Variants in FARS2 observed in about 807,000 individuals in gnomAD.
FARS2 encodes the protein phenylalanine--tRNA ligase, mitochondrial.
A neutral mutation model predicts 46.4 loss-of-function variants in FARS2; 40 were observed. That is an observed-to-expected ratio of 0.86 (90% CI 0.67 to 1.12). The LOEUF (loss-of-function observed/expected upper bound fraction) is 1.12, where lower values mean the gene tolerates loss of function less well. Among genes scored for constraint, FARS2 ranks in the 50% most tolerant of loss-of-function variants. The pLI, the probability that FARS2 is intolerant of heterozygous loss-of-function variation, is 0.00. For synonymous variants in FARS2, 234 were observed against 214.9 expected, an observed-to-expected ratio of 1.09 and a Z score of -0.78; for missense variants, 513 against 567.9, an observed-to-expected ratio of 0.90 and a Z score of 0.98.
intron 4 of FARS2, among the ~76,000 whole-genome samples, chr6:5,441,205 A>G (rs1361639914): frequency 1.3e-5 from 2 of 152,222 alleles, no homozygotes; most frequent in East Asian, 3.8e-4. Context: ...TACAGGCATG[A>G]GCCACTGCGC....
Position 5,368,950 on chromosome 6 carries a change from A to G in FARS2, c.380A>G (p.Asp127Gly), listed in dbSNP as rs759512904. The G allele has an allele frequency of 3.7e-6, 6 of 1,613,992 alleles. No individual in the cohort carries two copies. The highest frequency in any genetic ancestry group is 2.2e-5 in the East Asian group (1 of 44,880). Residue 127 changes from aspartate (D) to glycine (G), a missense_variant, in exon 2 of 7, where the codon GAC becomes GGC. Asp to Gly is a moderately conservative substitution (Grantham distance 94). Coordinates refer to ENST00000274680, the MANE Select transcript of FARS2 (RefSeq NM_006567.5). Reference protein sequence around the residue: ...SPVVTTWQNFDSLLIPADHPS... With the variant: ...SPVVTTWQNFGSLLIPADHPS... ...GTGGTCACGACCTGGCAGAACTTTG[A>G]CAGCCTGCTCATCCCAGCTGATCAC... is the stretch of plus-strand genomic sequence containing the variant.
rs1427710286 is a variant in FARS2, at chr6:5,489,405, G to A, written c.905-55775G>A. ...GGAGGCAGAGGTTGCAGTGAGCTGA[G>A]ATGGCACCACTGCACTCCAGCCTGG... is the stretch of plus-strand genomic sequence containing the variant. On this transcript the variant is annotated intron_variant, in intron 4 of 6. Transcript: ENST00000274680. Among the ~76,000 whole-genome samples, 5 of 152,304 alleles carry A rather than the reference G, an allele frequency of 3.3e-5. No homozygotes were observed. In the East Asian group the frequency reaches 7.7e-4, roughly 23 times the overall value.
intron 6 of FARS2, among the ~76,000 whole-genome samples, chr6:5,689,844 G>T (rs571519834): frequency 2.0e-3 from 305 of 152,220 alleles, no homozygotes; most frequent in Admixed American, 4.8e-3. Flanking sequence ...AAGTCTCTTT[G>T]TAGGTCTCTA....
At chr6:5,371,700 A>G (rs928038868) in intron 2 of FARS2, among the ~76,000 whole-genome samples, 2 of 152,166 alleles carry the variant, frequency 1.3e-5, no homozygotes, top group African/African-American at 4.8e-5. Context: ...AAAAAATTAG[A>G]TTGCAGTACA....
chr6:5,378,019 A>T (rs1387412272), intron 2 of FARS2, among the ~76,000 whole-genome samples: 1 of 152,214 alleles, frequency 6.6e-6, no homozygotes, highest in Non-Finnish European at 1.5e-5. Context: ...ATTCACACAG[A>T]AATAAAGGGA....
chr6:5,265,173 T>C (rs1219013582), intron 1 of FARS2, among the ~76,000 whole-genome samples: 3 of 152,228 alleles, frequency 2.0e-5, no homozygotes, highest in Admixed American at 2.0e-4. Context: ...AGAGGAATAT[T>C]GAACCAGGAG....
intron 3 of FARS2, among the ~76,000 whole-genome samples, chr6:5,421,030 C>T (rs1274238769): frequency 6.6e-6 from 1 of 152,194 alleles, no homozygotes; most frequent in African/African-American, 2.4e-5. Context: ...TTCCCTTCTG[C>T]ACTGCCCTAG....
At chr6:5,681,580 C>G (rs1779035670) in intron 6 of FARS2, among the ~76,000 whole-genome samples, 1 of 152,190 alleles carries the variant, frequency 6.6e-6, no homozygotes, top group African/African-American at 2.4e-5. Flanking sequence ...AAGAAAATCA[C>G]TCCTTTGCAG....
intron 4 of FARS2, among the ~76,000 whole-genome samples, chr6:5,434,744 C>T (rs1166462666): frequency 1.3e-5 from 2 of 151,916 alleles, no homozygotes; most frequent in African/African-American, 2.4e-5. Context: ...ATATTTGCTC[C>T]CCTGCTCTCC....
chr6:5,666,032 C>T (rs968121942), intron 6 of FARS2, among the ~76,000 whole-genome samples: 1 of 152,142 alleles, frequency 6.6e-6, no homozygotes, highest in Admixed American at 6.5e-5. Context: ...GGCTCCATGG[C>T]AGGATCTGGA....
intron 6 of FARS2, among the ~76,000 whole-genome samples, chr6:5,672,645 C>T (rs1363055516): frequency 6.6e-6 from 1 of 152,152 alleles, no homozygotes; most frequent in Admixed American, 6.5e-5. Context: ...CATTTCTACA[C>T]CTCCCTCCTT....
intron 1 of FARS2, among the ~76,000 whole-genome samples, chr6:5,348,720 C>T (rs1487196880): frequency 6.9e-6 from 1 of 144,032 alleles, no homozygotes; most frequent in South Asian, 2.4e-4. Context: ...TATCAGCAGG[C>T]TAAAGAAGAA....
chr6:5,518,401 A>G (rs1366740881), intron 4 of FARS2, among the ~76,000 whole-genome samples: 1 of 152,242 alleles, frequency 6.6e-6, no homozygotes, highest in African/African-American at 2.4e-5. Context: ...ACTTGGATGT[A>G]GCATATTCAA....
chr6:5,564,979 CT>C (rs2150546812), intron 5 of FARS2, among the ~76,000 whole-genome samples: 1 of 152,318 alleles, frequency 6.6e-6, no homozygotes, highest in East Asian at 1.9e-4. Flanking sequence ...GAAACACACA[CT>C]TTCAGTCAAA....
intron 6 of FARS2, among the ~76,000 whole-genome samples, chr6:5,690,941 G>A (rs577448665): frequency 4.6e-5 from 7 of 151,900 alleles, no homozygotes; most frequent in South Asian, 4.2e-4. Context: ...GCTTCATTTC[G>A]TTCATTTGAT....
At chr6:5,741,118 A>AT (rs1761308554) in intron 6 of FARS2, among the ~76,000 whole-genome samples, 1 of 152,184 alleles carries the variant, frequency 6.6e-6, no homozygotes, top group South Asian at 2.1e-4. Flanking sequence ...GCACATCCAG[A>AT]TCTTAAAGCA....
At chr6:5,450,078 C>T (rs1483103468) in intron 4 of FARS2, among the ~76,000 whole-genome samples, 1 of 152,212 alleles carries the variant, frequency 6.6e-6, no homozygotes, top group African/African-American at 2.4e-5. Flanking sequence ...TAAAAACAAT[C>T]CGTGTAGAAG....
chr6:5,283,090 A>G (rs1297403169), intron 1 of FARS2, among the ~76,000 whole-genome samples: 1 of 151,912 alleles, frequency 6.6e-6, no homozygotes, highest in African/African-American at 2.4e-5. Flanking sequence ...TTCAAAAAAA[A>G]TGCAGGATAT....
At chr6:5,518,080 G>A (rs982227944) in intron 4 of FARS2, among the ~76,000 whole-genome samples, 6 of 152,194 alleles carry the variant, frequency 3.9e-5, no homozygotes, top group African/African-American at 1.4e-4. Context: ...GGTCATGTTT[G>A]CATTTTACTT....
Sources: gnomAD v4.1 joint callset for allele counts (sites outside exome capture counted in the v4.1 genomes callset) on GRCh38, gnomAD v4.1.1 for gene constraint, MANE v1.5 for transcripts, NCBI Gene and HGNC (gene_info 2026-07-23, HGNC 2026-07-21) for gene names.